COL23A1: variants seen among roughly 807,000 people sequenced by gnomAD.
The protein encoded by COL23A1 is collagen type XXIII alpha 1 chain.
A neutral mutation model predicts 99.3 loss-of-function variants in COL23A1; 97 were observed. That is an observed-to-expected ratio of 0.98 (90% CI 0.83 to 1.16). The LOEUF is 1.16. Ranked by LOEUF, COL23A1 falls within the 50% of genes most tolerant of loss-of-function variation. The pLI, the probability that COL23A1 is intolerant of heterozygous loss-of-function variation, is 0.00. For synonymous variants in COL23A1, 320 were observed against 308.2 expected (o/e 1.04, Z -0.40); for missense variants, 762 against 757.4 (o/e 1.01, Z -0.07).
At chr5:178,576,881 C>G (rs1052092410) in intron 1 of COL23A1, among the ~76,000 whole-genome samples, 1 of 151,756 alleles carries the variant, frequency 6.6e-6, no homozygotes, top group Non-Finnish European at 1.5e-5. Flanking sequence ...CGCCTGGGTT[C>G]GGCTTTGGAC....
intron 1 of COL23A1, chr5:178,562,018 G>T: frequency 2.0e-6 from 1 of 510,274 alleles, no homozygotes; most frequent in Non-Finnish European, 3.8e-6. Flanking sequence ...TAAAACAGAA[G>T]AAGTTACCAC....
intron 2 of COL23A1, among the ~76,000 whole-genome samples, chr5:178,448,161 G>C (rs1012087501): frequency 1.4e-5 from 2 of 146,700 alleles, no homozygotes; most frequent in African/African-American, 5.1e-5. Context: ...TGTTCTGTTA[G>C]TGCTAGTCGC....
chr5:178,242,048 A>G lies in COL23A1; in HGVS notation c.1575T>C (p.Cys525=). The G allele has an allele frequency of 6.4e-7, 1 of 1,554,270 alleles. No individual in the cohort carries two copies. Among genetic ancestry groups the G allele is most frequent in the Non-Finnish European group, 8.7e-7 (1 of 1,148,284 alleles). ...GCCCTCCTCCGACACCTACCACGGG[A>G]CACGGCTGGTCCAGGCCTGGTGGTC... is the stretch of plus-strand genomic sequence containing the variant. ...EPGPPGLDQP[C]PVGPDGLPVP... The change falls in exon 27 of 29, where the codon TGT becomes TGC. Residue 525 remains cysteine (C), a synonymous_variant. Coordinates refer to ENST00000390654, the MANE Select transcript of COL23A1 (RefSeq NM_173465.4).
At chr5:178,423,107 C>A (rs1257588233) in intron 2 of COL23A1, among the ~76,000 whole-genome samples, 1 of 152,120 alleles carries the variant, frequency 6.6e-6, no homozygotes, top group Non-Finnish European at 1.5e-5. Flanking sequence ...GCTGGGACCC[C>A]AGGCACACAT....
chr5:178,311,567 T>C (rs1758681326), intron 2 of COL23A1, among the ~76,000 whole-genome samples: 1 of 151,966 alleles, frequency 6.6e-6, no homozygotes, highest in Non-Finnish European at 1.5e-5. Context: ...TTCTTTCGTG[T>C]GTGTGTGTGT....
rs567565049 is a variant in COL23A1 at position 178,569,656 on chromosome 5, T to C, written c.295-8908A>G. Among the ~76,000 whole-genome samples the C allele has an allele frequency of 2.6e-5, 4 of 152,280 alleles. No individual in the cohort carries two copies. In the South Asian group the frequency reaches 8.3e-4, roughly 32 times the overall value. On this transcript the variant is annotated intron_variant, in intron 1 of 28. Coordinates refer to ENST00000390654, the MANE Select transcript of COL23A1 (RefSeq NM_173465.4). ...TAACTGCAGTTGGTCTCTGCTCAGG[T>C]TCTCGAGGCTGAAATCAATGAGTCA...
chr5:178,245,733 C>G (rs1764656824), intron 25 of COL23A1, among the ~76,000 whole-genome samples: 1 of 152,212 alleles, frequency 6.6e-6, no homozygotes, highest in Non-Finnish European at 1.5e-5. Context: ...ATTTATCCAT[C>G]CATCAACAAT....
intron 2 of COL23A1, among the ~76,000 whole-genome samples, chr5:178,509,363 A>G (rs1423068417): frequency 2.0e-5 from 3 of 151,896 alleles, no homozygotes; most frequent in Non-Finnish European, 4.4e-5. Context: ...TGGGACTACA[A>G]GCGCCCACCA....
intron 2 of COL23A1, among the ~76,000 whole-genome samples, chr5:178,370,136 T>C (rs1432015268): frequency 1.3e-5 from 2 of 152,202 alleles, no homozygotes; most frequent in East Asian, 3.9e-4. Context: ...CAATGTCACT[T>C]ATGCATGACC....
chr5:178,550,502 G>A (rs768136134), intron 2 of COL23A1, among the ~76,000 whole-genome samples: 11 of 152,138 alleles, frequency 7.2e-5, no homozygotes, highest in Non-Finnish European at 1.2e-4. Flanking sequence ...TGAGAAGCAC[G>A]GCTTTATGGT....
intron 2 of COL23A1, among the ~76,000 whole-genome samples, chr5:178,413,057 C>A (rs1014778007): frequency 2.0e-5 from 3 of 151,912 alleles, no homozygotes; most frequent in Middle Eastern, 3.2e-3. Context: ...CTGGTGTCTG[C>A]CTGTAGTCTC....
intron 2 of COL23A1, among the ~76,000 whole-genome samples, chr5:178,417,168 C>T (rs537027861): frequency 1.2e-4 from 18 of 152,328 alleles, no homozygotes; most frequent in South Asian, 6.2e-4. Context: ...CTGGGCGAGG[C>T]GGTGCCAGTC....
intron 3 of COL23A1, among the ~76,000 whole-genome samples, chr5:178,292,226 CGCACCTGCCCCT>C (rs1757499998): frequency 1.1e-5 from 1 of 93,126 alleles, no homozygotes; most frequent in African/African-American, 3.3e-5. Context: ...CGCCTGTGCC[CGCACCTGCCCCT>C]GCACCTGCCC....
At chr5:178,245,423 CTCCA>C (rs1764632938) in intron 25 of COL23A1, among the ~76,000 whole-genome samples, 1 of 149,792 alleles carries the variant, frequency 6.7e-6, no homozygotes, top group South Asian at 2.1e-4. Context: ...CCATTCAATC[CTCCA>C]TCCATTCATC....
chr5:178,383,690 C>T (rs1387656880), intron 2 of COL23A1, among the ~76,000 whole-genome samples: 5 of 152,130 alleles, frequency 3.3e-5, no homozygotes, highest in African/African-American at 1.2e-4. Context: ...CATCGTTCTC[C>T]AAGTCTGCAT....
chr5:178,569,840 C>A (rs1763002441), intron 1 of COL23A1, among the ~76,000 whole-genome samples: 1 of 152,298 alleles, frequency 6.6e-6, no homozygotes, highest in Admixed American at 6.5e-5. Context: ...CTCCACACCC[C>A]TTCATGCTGC....
At chr5:178,467,946 C>T (rs1201482614) in intron 2 of COL23A1, among the ~76,000 whole-genome samples, 1 of 152,184 alleles carries the variant, frequency 6.6e-6, no homozygotes, top group African/African-American at 2.4e-5. Flanking sequence ...GTTAGCGACA[C>T]ACGGGCCCCA....
intron 2 of COL23A1, among the ~76,000 whole-genome samples, chr5:178,337,251 G>T (rs2127655634): frequency 6.6e-6 from 1 of 152,378 alleles, no homozygotes; most frequent in Non-Finnish European, 1.5e-5. Flanking sequence ...AGACCCGCGT[G>T]TGAGGGCGAG....
chr5:178,320,394 GCA>G (rs1759227188), intron 2 of COL23A1, among the ~76,000 whole-genome samples: 1 of 152,182 alleles, frequency 6.6e-6, no homozygotes, highest in Non-Finnish European at 1.5e-5. Flanking sequence ...ATGACCCCAG[GCA>G]GTGTGTAGCC....
Sources: gnomAD v4.1 joint callset for allele counts (sites outside exome capture counted in the v4.1 genomes callset) on GRCh38, gnomAD v4.1.1 for gene constraint, MANE v1.5 for transcripts, NCBI Gene and HGNC (gene_info 2026-07-23, HGNC 2026-07-21) for gene names.